Variants in IMMP2L observed in about 807,000 individuals in gnomAD.
IMMP2L encodes the protein inner mitochondrial membrane peptidase subunit 2, also known as mitochondrial inner membrane protease subunit 2.
IMMP2L carries 18 observed loss-of-function variants against 19.3 expected under a neutral mutation model. The observed-to-expected ratio is 0.93, with a 90% CI of 0.64 to 1.38. The LOEUF is 1.38. IMMP2L is among the 40% of genes most tolerant of loss of function. The probability of loss-of-function intolerance (pLI) is 0.00; values close to 1 mark genes in which losing one functional copy is unlikely to be tolerated. For missense variants in IMMP2L, 233 were observed against 218.2 expected, an observed-to-expected ratio of 1.07 and a Z score of -0.43; for synonymous variants, 76 against 73.0, an observed-to-expected ratio of 1.04 and a Z score of -0.21.
At chr7:111,175,903 T>A (rs574652307) in intron 3 of IMMP2L, among the ~76,000 whole-genome samples, 5 of 151,870 alleles carry the variant, frequency 3.3e-5, no homozygotes, top group Admixed American at 2.6e-4. Context: ...ATAATAAGAA[T>A]ATATAAGGTG....
chr7:111,319,825 T>G (rs6466376), intron 3 of IMMP2L, among the ~76,000 whole-genome samples: 1 of 151,688 alleles, frequency 6.6e-6, no homozygotes, highest in Non-Finnish European at 1.5e-5. Flanking sequence ...TTCCAGGTAA[T>G]GCCCAAGGCC....
intron 3 of IMMP2L, chr7:111,483,375 A>C (rs1421375809): frequency 2.6e-5 from 4 of 152,170 alleles, no homozygotes; most frequent in African/African-American, 9.7e-5. Context: ...ATTCCAAGGT[A>C]TAGAAAATTC....
intron 3 of IMMP2L, among the ~76,000 whole-genome samples, chr7:111,182,794 C>T (rs58278550): frequency 0.011 from 1,624 of 151,874 alleles, 40 homozygotes; most frequent in African/African-American, 0.037. Context: ...AGCAGAGACA[C>T]GCAAAAGAAA....
intron 3 of IMMP2L, among the ~76,000 whole-genome samples, chr7:111,278,748 T>C (rs1188230520): frequency 6.6e-6 from 1 of 152,198 alleles, no homozygotes; most frequent in Non-Finnish European, 1.5e-5. Flanking sequence ...ATATATATTG[T>C]TCTTGCTCTA....
At chr7:110,992,295 T>C (rs923194345) in intron 3 of IMMP2L, among the ~76,000 whole-genome samples, 2 of 152,060 alleles carry the variant, frequency 1.3e-5, no homozygotes, top group African/African-American at 4.8e-5. Flanking sequence ...AAATATTTCC[T>C]ATGGTTTCAG....
At chr7:110,686,645 G>C (rs1216528381) in intron 5 of IMMP2L, among the ~76,000 whole-genome samples, 9 of 151,958 alleles carry the variant, frequency 5.9e-5, no homozygotes, top group Admixed American at 5.9e-4. Flanking sequence ...CATAATTAGA[G>C]TTCTGTCTTT....
intron 3 of IMMP2L, among the ~76,000 whole-genome samples, chr7:111,019,629 G>C (rs1826072221): frequency 6.6e-6 from 1 of 152,094 alleles, no homozygotes; most frequent in African/African-American, 2.4e-5. Flanking sequence ...CTTTAGAAAA[G>C]AAAAGACAAG....
chr7:111,105,581 A>C (rs1798455320), intron 3 of IMMP2L, among the ~76,000 whole-genome samples: 1 of 151,856 alleles, frequency 6.6e-6, no homozygotes, highest in African/African-American at 2.4e-5. Flanking sequence ...GGCTGGGGGG[A>C]AAACACCCTT....
At chr7:110,816,433 G>A (rs1234411029) in intron 5 of IMMP2L, among the ~76,000 whole-genome samples, 2 of 150,076 alleles carry the variant, frequency 1.3e-5, no homozygotes, top group Non-Finnish European at 3.0e-5. Flanking sequence ...TGAGAAGAAT[G>A]TATATTCTGT....
intron 3 of IMMP2L, among the ~76,000 whole-genome samples, chr7:111,153,343 C>T (rs1031882655): frequency 3.9e-5 from 6 of 152,054 alleles, no homozygotes; most frequent in Non-Finnish European, 7.4e-5. Flanking sequence ...TAACAATAAA[C>T]ACTATGCTAC....
At chr7:111,411,744 T>G in intron 3 of IMMP2L, 1 of 198,950 alleles carries the variant, frequency 5.0e-6, no homozygotes. Context: ...GAGTCTCTAC[T>G]CTCTCTCTAC....
chr7:110,983,844 G>A (rs1026199072), intron 3 of IMMP2L, among the ~76,000 whole-genome samples: 1 of 151,866 alleles, frequency 6.6e-6, no homozygotes, highest in Admixed American at 6.6e-5. Context: ...TATTTATTTA[G>A]TCATTAAGAT....
chr7:110,990,712 A>T (rs942963470), intron 3 of IMMP2L, among the ~76,000 whole-genome samples: 3 of 152,120 alleles, frequency 2.0e-5, no homozygotes, highest in African/African-American at 7.2e-5. Flanking sequence ...TGCCAGTGCC[A>T]ATCTACTTTA....
At position 110,792,637 on chromosome 7, in the gene IMMP2L, A is replaced by G. The variant is rs529712178; in HGVS notation, c.408+93956T>C. On this transcript the variant is annotated intron_variant, in intron 5 of 5. Transcript: ENST00000405709. The stretch of plus-strand genomic sequence containing the variant: ...ATGTCTTTCACGCTGCTTGCACTGC[A>G]GTGGTACATTGATTATTCTTCCATG... Among the ~76,000 whole-genome samples the G allele has an allele frequency of 7.9e-5, 12 of 152,228 alleles. No individual in the cohort carries two copies. In the East Asian group the frequency reaches 2.3e-3, roughly 30 times the overall value.
At chr7:111,058,955 T>G (rs944545871) in intron 3 of IMMP2L, among the ~76,000 whole-genome samples, 2 of 152,120 alleles carry the variant, frequency 1.3e-5, no homozygotes, top group Non-Finnish European at 2.9e-5. Context: ...GCCTCCTTTC[T>G]CACATCTCTT....
chr7:111,217,126 T>TCACACACACA (rs1315821493), intron 3 of IMMP2L, among the ~76,000 whole-genome samples: 28 of 124,066 alleles, frequency 2.3e-4, no homozygotes, highest in African/African-American at 8.8e-4. Context: ...TCTCTCTCTC[T>TCACACACACA]CACACACACA....
chr7:110,995,422 T>C (rs1283662001), intron 3 of IMMP2L, among the ~76,000 whole-genome samples: 1 of 152,148 alleles, frequency 6.6e-6, no homozygotes, highest in African/African-American at 2.4e-5. Flanking sequence ...AAGAAAACTG[T>C]TTTCCTCAGA....
At chr7:111,481,230 A>G (rs1297781777) in intron 3 of IMMP2L, among the ~76,000 whole-genome samples, 4 of 152,150 alleles carry the variant, frequency 2.6e-5, no homozygotes, top group Non-Finnish European at 5.9e-5. Context: ...AAATTCAACT[A>G]CAGAAATGGG....
At chr7:111,046,825 C>G (rs966322196) in intron 3 of IMMP2L, among the ~76,000 whole-genome samples, 1 of 152,140 alleles carries the variant, frequency 6.6e-6, no homozygotes, top group Non-Finnish European at 1.5e-5. Flanking sequence ...GGGGACTCTA[C>G]ATTCACTACT....
Sources: allele counts gnomAD v4.1 joint callset (sites outside exome capture counted in the v4.1 genomes callset), GRCh38; gene constraint gnomAD v4.1.1; transcripts MANE v1.5; gene names NCBI Gene and HGNC (gene_info 2026-07-23, HGNC 2026-07-21).